ATP11A: variants seen among roughly 807,000 people sequenced by gnomAD.
The protein encoded by ATP11A is ATPase phospholipid transporting 11A.
In ATP11A, 81 loss-of-function variants were observed where a neutral mutation model predicts 154.4. The ratio of observed to expected loss-of-function variants is 0.52; its 90% CI spans 0.44 to 0.63. The LOEUF is 0.63. Ranked by LOEUF, ATP11A falls within the 30% of genes least tolerant of loss-of-function variation. The pLI is 0.00. For synonymous variants in ATP11A, 623 were observed against 585.9 expected (o/e 1.06, Z -0.91); for missense variants, 1,316 against 1,474.3 (o/e 0.89, Z 1.76).
chr13:112,839,215 AC>A (rs1290710750), intron 16 of ATP11A, among the ~76,000 whole-genome samples: 4 of 152,162 alleles, frequency 2.6e-5, no homozygotes, highest in African/African-American at 9.7e-5. Flanking sequence ...GCGGATGCTT[AC>A]TGCACCCAAG....
chr13:112,697,180 G>A lies in ATP11A; in HGVS notation c.39+6725G>A, dbSNP rs1216009381. On this transcript the variant is annotated intron_variant, in intron 1 of 29. Transcript: ENST00000375645. The surrounding 1 kb of genome is among the most constrained non-coding windows in gnomAD (Gnocchi z 4.0). ...TCCTGTGGCGTCCTGCGGGCTGGCC[G>A]CCCCTCGGTGGGCTCCGGTGCTGGC... 6.6e-6 allele frequency among the ~76,000 whole-genome samples: 1 copy of A among 152,196 alleles called. No homozygotes were observed. Among genetic ancestry groups the A allele is most frequent in the East Asian group, 1.9e-4 (1 of 5,182 alleles).
At chr13:112,773,130 C>G (rs1410675035) in intron 1 of ATP11A, among the ~76,000 whole-genome samples, 4 of 152,144 alleles carry the variant, frequency 2.6e-5, no homozygotes, top group Non-Finnish European at 1.5e-5. Context: ...CATGGCCCAT[C>G]CATCTCTCTC....
intron 29 of ATP11A, chr13:112,880,751 C>A (rs1471362912): frequency 2.6e-6 from 3 of 1,168,970 alleles, no homozygotes; most frequent in Non-Finnish European, 1.1e-6. Flanking sequence ...AACAAAGGTT[C>A]ACGGTGAGAA....
rs1198425057 is a variant in ATP11A at position 112,838,565 on chromosome 13, C to T, written c.1705+2314C>T. ...CGCTCACAAGGGGTTTTTGCTGCAT[C>T]CTGAATGCCCAAGACCTCAGGGCAT... On this transcript the variant is annotated intron_variant, in intron 16 of 29. Coordinates refer to ENST00000375645, the MANE Select transcript of ATP11A (RefSeq NM_015205.3). This position sits in a 1 kb window ranked among gnomAD's most constrained non-coding sequence, Gnocchi z 7.3. Among the ~76,000 whole-genome samples the T allele has an allele frequency of 6.6e-6, 1 of 152,196 alleles. No individual in the cohort carries two copies. The highest frequency in any genetic ancestry group is 2.4e-5 in the African/African-American group (1 of 41,454).
At chr13:112,874,684 C>G (rs1012301177) in intron 27 of ATP11A, among the ~76,000 whole-genome samples, 1 of 152,190 alleles carries the variant, frequency 6.6e-6, no homozygotes, top group Non-Finnish European at 1.5e-5. Context: ...CTCGTTCAGC[C>G]AGCGGCCCCT....
intron 18 of ATP11A, among the ~76,000 whole-genome samples, chr13:112,853,248 A>T (rs9324214): frequency 6.6e-6 from 1 of 150,890 alleles, no homozygotes; most frequent in African/African-American, 2.4e-5. Context: ...CTCTCTCTCT[A>T]TATATATATA....
chr13:112,711,367 C>T (rs908796437), intron 1 of ATP11A, among the ~76,000 whole-genome samples: 1 of 152,056 alleles, frequency 6.6e-6, no homozygotes, highest in African/African-American at 2.4e-5. Context: ...CTTGAGAGGC[C>T]GAGGTGGGAG....
chr13:112,805,717 C>A (rs2078304755), intron 3 of ATP11A, among the ~76,000 whole-genome samples: 2 of 144,624 alleles, frequency 1.4e-5, no homozygotes, highest in African/African-American at 2.5e-5. Flanking sequence ...AAAGAAAATC[C>A]AAAGACAGTA....
chr13:112,808,774 G>A (rs2033539), intron 4 of ATP11A, among the ~76,000 whole-genome samples: 25,317 of 152,032 alleles, frequency 0.17, 2,219 homozygotes, highest in Non-Finnish European at 0.19. Context: ...CGCCGCCATC[G>A]CCCAGGTCCT....
chr13:112,843,042 G>A (rs962459913), intron 17 of ATP11A, among the ~76,000 whole-genome samples: 11 of 152,072 alleles, frequency 7.2e-5, no homozygotes, highest in Non-Finnish European at 1.5e-4. Flanking sequence ...CCTCCTGTCA[G>A]ACACCTTAAC....
intron 1 of ATP11A, among the ~76,000 whole-genome samples, chr13:112,766,660 A>AC (rs1566449436): frequency 6.6e-6 from 1 of 151,326 alleles, no homozygotes; most frequent in Non-Finnish European, 1.5e-5. Flanking sequence ...GCTTCTGCCC[A>AC]CCCCCCAGGA....
intron 2 of ATP11A, among the ~76,000 whole-genome samples, chr13:112,795,824 CAT>C (rs1305190485): frequency 2.0e-5 from 3 of 152,196 alleles, no homozygotes; most frequent in Non-Finnish European, 4.4e-5. Context: ...AGGTCGATCA[CAT>C]GTGTAATGTT....
chr13:112,774,924 C>G (rs1056011571), intron 1 of ATP11A, among the ~76,000 whole-genome samples: 2 of 151,726 alleles, frequency 1.3e-5, no homozygotes. Flanking sequence ...CTCCTCCCAC[C>G]TTCCCCCGTC....
intron 25 of ATP11A, among the ~76,000 whole-genome samples, chr13:112,866,254 T>C (rs914587411): frequency 1.3e-5 from 2 of 152,210 alleles, no homozygotes; most frequent in African/African-American, 2.4e-5. Context: ...TTTTCAAACG[T>C]GAATTCCTGT....
At chr13:112,805,113 G>A (rs1046082750) in intron 3 of ATP11A, 67 bp downstream of exon 3, 2 of 1,172,926 alleles carry the variant, frequency 1.7e-6, no homozygotes, top group African/African-American at 3.1e-5. Context: ...TTATTCTCAG[G>A]TAACTGCCAC....
chr13:112,782,342 C>G (rs367967840), intron 1 of ATP11A, among the ~76,000 whole-genome samples: 66 of 152,246 alleles, frequency 4.3e-4, no homozygotes, highest in African/African-American at 1.5e-3. Flanking sequence ...GGGCTCGTGG[C>G]CACTCCTGAA....
intron 16 of ATP11A, among the ~76,000 whole-genome samples, chr13:112,836,758 C>T (rs879912056): frequency 2.0e-5 from 3 of 152,232 alleles, no homozygotes; most frequent in Non-Finnish European, 4.4e-5. Context: ...GTTCGTGCTC[C>T]GGAATGCTGG....
intron 1 of ATP11A, among the ~76,000 whole-genome samples, chr13:112,732,757 G>T (rs118162232): frequency 0.011 from 1,671 of 152,164 alleles, 14 homozygotes; most frequent in Non-Finnish European, 0.016. Context: ...GACTGCAGGC[G>T]CACGCCACCA....
At chr13:112,715,324 TCCTGGCCCATCCCCGGTA>T (rs1270684678) in intron 1 of ATP11A, among the ~76,000 whole-genome samples, 1 of 124,424 alleles carries the variant, frequency 8.0e-6, no homozygotes, top group African/African-American at 2.9e-5. Context: ...CTTTGTAGTG[TCCTGGCCCATCCCCGGTA>T]CCTGGCCAAT....
Sources: gnomAD v4.1 joint callset for allele counts (sites outside exome capture counted in the v4.1 genomes callset) on GRCh38, gnomAD v4.1.1 for gene constraint, Gnocchi (gnomAD v3.1) non-coding constraint, MANE v1.5 for transcripts, NCBI Gene and HGNC (gene_info 2026-07-23, HGNC 2026-07-21) for gene names.